The following GPR4 variants were observed in gnomAD, a reference collection of about 807,000 sequenced individuals.
The protein encoded by GPR4 is G-prodeshotein coupled receptor 4.
A neutral mutation model predicts 17.8 loss-of-function variants in GPR4; 11 were observed. That is an observed-to-expected ratio of 0.62 (90% CI 0.39 to 1.02). The LOEUF is 1.02. GPR4 is among the 50% of genes least tolerant of loss of function. The pLI, the probability that GPR4 is intolerant of heterozygous loss-of-function variation, is 0.00. For missense variants in GPR4, 364 were observed against 495.4 expected (o/e 0.73, Z 2.52); for synonymous variants, 219 against 222.8 (o/e 0.98, Z 0.15).
At chr19:45,598,211 A>C (rs1970077258) in intron 1 of GPR4, among the ~76,000 whole-genome samples, 1 of 152,052 alleles carries the variant, frequency 6.6e-6, no homozygotes, top group Admixed American at 6.6e-5. Context: ...CACATCACAG[A>C]CCGGAACGTC....
intron 1 of GPR4, among the ~76,000 whole-genome samples, chr19:45,595,015 G>C (rs1469753045): frequency 6.6e-6 from 1 of 151,258 alleles, no homozygotes; most frequent in Non-Finnish European, 1.5e-5. Flanking sequence ...GGTGGCTCAC[G>C]CCTGTAATCC....
intron 1 of GPR4, among the ~76,000 whole-genome samples, chr19:45,593,858 A>G (rs1381362351): frequency 6.6e-6 from 1 of 151,398 alleles, no homozygotes; most frequent in Non-Finnish European, 1.5e-5. Flanking sequence ...CATTCCAGGC[A>G]TTTTTATGCA....
rs144982870 is a variant in GPR4 at position 45,592,120 on chromosome 19, A to G, written c.-254T>C. Reference sequence around the variant, plus strand: ...AGTCTGGAGGATGGTGAGATTAATAAAGAGGTTTTTCAAGGAGGTTATGTA... The same window carrying G: ...AGTCTGGAGGATGGTGAGATTAATAGAGAGGTTTTTCAAGGAGGTTATGTA... On this transcript the variant is annotated 5_prime_UTR_variant, in exon 2 of 2. Coordinates refer to ENST00000323040, the MANE Select transcript of GPR4 (RefSeq NM_005282.3). The G allele has an allele frequency of 1.5e-4, 67 of 441,200 alleles. 3 individuals carry two copies. The highest frequency in any genetic ancestry group is 1.7e-5 in the Non-Finnish European group (4 of 238,732). The allele number at this position is 441,200 out of a possible 1,614,324, so 27.3% of individuals were successfully genotyped here.
At chr19:45,599,366 C>T (rs1439961292) in intron 1 of GPR4, among the ~76,000 whole-genome samples, 4 of 152,028 alleles carry the variant, frequency 2.6e-5, no homozygotes, top group South Asian at 2.1e-4. Context: ...GCCTTGTCCC[C>T]GATGCCACCA....
chr19:45,596,526 T>C (rs1970060389), intron 1 of GPR4, among the ~76,000 whole-genome samples: 1 of 151,450 alleles, frequency 6.6e-6, no homozygotes, highest in Non-Finnish European at 1.5e-5. Context: ...ATCATGAAAA[T>C]CAGCTCTTTC....
chr19:45,595,313 AAAT>A (rs1304620626), intron 1 of GPR4, among the ~76,000 whole-genome samples: 7 of 135,864 alleles, frequency 5.2e-5, no homozygotes, highest in South Asian at 2.3e-4. Flanking sequence ...ATAAATAAAT[AAAT>A]AAAAAATAAC....
intron 1 of GPR4, among the ~76,000 whole-genome samples, chr19:45,595,280 T>C (rs1355945298): frequency 3.6e-5 from 2 of 55,712 alleles, no homozygotes; most frequent in Non-Finnish European, 7.5e-5. Flanking sequence ...CATCTCTAAA[T>C]AAATAAATAA....
At chr19:45,598,557 G>T (rs936595698) in intron 1 of GPR4, among the ~76,000 whole-genome samples, 11 of 152,008 alleles carry the variant, frequency 7.2e-5, no homozygotes, top group South Asian at 2.1e-4. Flanking sequence ...TGCTGGACAT[G>T]GGGGGGAGGG....
At position 45,591,087 on chromosome 19, in the gene GPR4, G is replaced by A. The variant is rs1369581165; in HGVS notation, c.780C>T (p.Phe260=). Residue 260 remains phenylalanine, a synonymous_variant, in exon 2 of 2, where the codon TTC becomes TTT. Coordinates refer to ENST00000323040, the MANE Select transcript of GPR4 (RefSeq NM_005282.3). This position sits in a 1 kb window ranked among gnomAD's most constrained non-coding sequence, Gnocchi z 7.6. Reference sequence around the variant, plus strand: ...GGTATGCAGAAAAGACGCGCTCCTCGAAGCCGCAGTCCCAGGGGCGGCCCA... The same window carrying A: ...GGTATGCAGAAAAGACGCGCTCCTCAAAGCCGCAGTCCCAGGGGCGGCCCA... The part of the protein sequence containing the change: ...IYLGRPWDCG[F]EERVFSAYHS... 2 of 1,613,888 alleles carry A rather than the reference G, an allele frequency of 1.2e-6. No individual in the cohort carries two copies. The highest frequency in any genetic ancestry group is 3.3e-5 in the Admixed American group (2 of 60,024).
At chr19:45,594,124 A>G (rs1224799236) in intron 1 of GPR4, among the ~76,000 whole-genome samples, 2 of 137,768 alleles carry the variant, frequency 1.5e-5, no homozygotes, top group Non-Finnish European at 3.1e-5. Context: ...TGTGTTGCCC[A>G]GGCTGGTCTC....
Position 45,591,993 on chromosome 19 carries a change from G to T in GPR4, c.-127C>A. 9.6e-7 allele frequency: 1 copy of T among 1,041,872 alleles called. No homozygotes were observed. Among genetic ancestry groups the T allele is most frequent in the Non-Finnish European group, 1.4e-6 (1 of 729,828 alleles). 64.5% of individuals were successfully genotyped at this position (1,041,872 alleles called of 1,614,324 possible). On this transcript the variant is annotated 5_prime_UTR_variant, in exon 2 of 2. Coordinates refer to ENST00000323040, the MANE Select transcript of GPR4 (RefSeq NM_005282.3). This position sits in a 1 kb window ranked among gnomAD's most constrained non-coding sequence, Gnocchi z 7.6. ...GCTCAGGGGAACATGGTGGGATGTG[G>T]TCTACAGGGAAGAGATGAGGTTGGG...
chr19:45,594,046 T>TAAA lies in GPR4; in HGVS notation c.-831-1352_-831-1350dup, dbSNP rs1177623997. Among the ~76,000 whole-genome samples, 222 of 50,272 alleles carry TAAA rather than the reference T, an allele frequency of 4.4e-3. 15 individuals are homozygous for TAAA. The highest frequency in any genetic ancestry group is 0.021 in the African/African-American group (152 of 7,372). The allele number at this position is 50,272 out of a possible 152,430, so 33.0% of individuals were successfully genotyped here. On this transcript the variant is annotated intron_variant, in intron 1 of 1. Coordinates refer to ENST00000323040, the MANE Select transcript of GPR4 (RefSeq NM_005282.3). The stretch of plus-strand genomic sequence containing the variant: ...CAGGCATGCACCACCATGCCTGGCT[T>TAAA]AAAAAAAAAAAAAAAAAATATATAT...
Position 45,590,996 on chromosome 19 carries a change from C to A in GPR4, c.871G>T (p.Glu291Ter), listed in dbSNP as rs1163195414. 6.2e-7 allele frequency: 1 copy of A among 1,613,920 alleles called. No homozygotes were observed. The highest frequency in any genetic ancestry group is 8.5e-7 in the Non-Finnish European group (1 of 1,180,024). Residue 291 changes from glutamate (E) to a stop codon, truncating the protein, a stop_gained, in exon 2 of 2, where the codon GAG becomes TAG. Coordinates refer to ENST00000323040, the MANE Select transcript of GPR4 (RefSeq NM_005282.3). LOFTEE classifies it low-confidence loss of function (END_TRUNC). ...TTGGCCACATCGCTGCGGGCGCCCTCGTTGACCAGGCAGTAGAGGATGGGG... is the reference window on the plus strand; with the variant it reads ...TTGGCCACATCGCTGCGGGCGCCCTAGTTGACCAGGCAGTAGAGGATGGGG... ...ADPILYCLVN[E>*]GARSDVAKAL...
intron 1 of GPR4, among the ~76,000 whole-genome samples, chr19:45,594,057 A>T (rs1272916695): frequency 1.9e-4 from 7 of 36,188 alleles, no homozygotes; most frequent in African/African-American, 1.2e-3. Context: ...AAAAAAAAAA[A>T]AAAAAAATAT....
chr19:45,591,681 G>A lies in GPR4; in HGVS notation c.186C>T (p.Ala62=), dbSNP rs752710522. The change falls in exon 2 of 2, where the codon GCC becomes GCT. Residue 62 remains alanine, a synonymous_variant. Transcript: ENST00000323040. The surrounding 1 kb of genome is among the most constrained non-coding windows in gnomAD (Gnocchi z 7.6). The stretch of plus-strand genomic sequence containing the variant: ...GCAGCGTGCAGATGTACAGCAGGTC[G>A]GCGATGCTGAGGTTCATCAGGTAGA... ...LGVYLMNLSI[A]DLLYICTLPL... 2.6e-5 allele frequency: 42 copies of A among 1,613,856 alleles called. No individual in the cohort carries two copies. The South Asian group carries it at 4.1e-4, about 16-fold the overall frequency.
Position 45,592,517 on chromosome 19 carries a change from C to T in GPR4, c.-651G>A, listed in dbSNP as rs1380485212. The stretch of plus-strand genomic sequence containing the variant: ...GCACAGGGTGGACAAAGATAAAAGG[C>T]TCGGTCTGTGGACGGCAGGAAGGAG... On this transcript the variant is annotated 5_prime_UTR_variant, in exon 2 of 2. Coordinates refer to ENST00000323040, the MANE Select transcript of GPR4 (RefSeq NM_005282.3). The T allele has an allele frequency of 6.0e-6, 1 of 167,234 alleles. No homozygotes were observed. The highest frequency in any genetic ancestry group is 2.4e-5 in the African/African-American group (1 of 41,372). The allele number at this position is 167,234 out of a possible 1,614,324, so 10.4% of individuals were successfully genotyped here.
intron 1 of GPR4, among the ~76,000 whole-genome samples, chr19:45,594,027 T>C (rs1256642301): frequency 9.3e-6 from 1 of 107,798 alleles, no homozygotes; most frequent in Non-Finnish European, 1.7e-5. Context: ...AACACAGGCA[T>C]GCACCACCAT....
At chr19:45,594,078 A>ATATATATATATATATTT (rs1555738343) in intron 1 of GPR4, among the ~76,000 whole-genome samples, 957 of 74,210 alleles carry the variant, frequency 0.013, 27 homozygotes, top group East Asian at 0.029. Context: ...ATATATATAT[A>ATATATATATATATATTT]TATATATATA....
intron 1 of GPR4, among the ~76,000 whole-genome samples, chr19:45,601,559 C>A (rs1274186879): frequency 6.6e-6 from 1 of 152,046 alleles, no homozygotes; most frequent in Non-Finnish European, 1.5e-5. Flanking sequence ...GAGGAAAGTT[C>A]CGGGATGCGG....
Sources: allele counts gnomAD v4.1 joint callset (sites outside exome capture counted in the v4.1 genomes callset), GRCh38; gene constraint gnomAD v4.1.1; non-coding constraint Gnocchi (gnomAD v3.1); transcripts MANE v1.5; gene names NCBI Gene and HGNC (gene_info 2026-07-23, HGNC 2026-07-21).